The following GRHL1 variants were observed in gnomAD, a reference collection of about 807,000 sequenced individuals.
GRHL1 encodes the protein grainyhead like transcription factor 1, also known as grainyhead-like protein 1 homolog.
Under a neutral mutation model 75.7 loss-of-function variants are expected in GRHL1, and 38 were observed. The observed-to-expected ratio is 0.50, with a 90% CI of 0.39 to 0.66. The LOEUF (loss-of-function observed/expected upper bound fraction) is 0.66, where lower values mean the gene tolerates loss of function less well. Among genes scored for constraint, GRHL1 ranks in the 30% least tolerant of loss-of-function variants. The probability of loss-of-function intolerance (pLI) is 0.00; values close to 1 mark genes in which losing one functional copy is unlikely to be tolerated. For synonymous variants in GRHL1, 266 were observed against 279.4 expected (o/e 0.95, Z 0.48); for missense variants, 589 against 767.5 (o/e 0.77, Z 2.75).
intron 12 of GRHL1, 107 bp from the exon 13 acceptor site, chr2:9,995,768 TAAAG>T: frequency 1.4e-6 from 1 of 690,680 alleles, no homozygotes; most frequent in Non-Finnish European, 2.6e-6. Flanking sequence ...CTGGACCAGA[TAAAG>T]AATGAAAGTC....
At chr2:9,962,292 A>G (rs75284884) in intron 4 of GRHL1, among the ~76,000 whole-genome samples, 163 bp from the exon 5 acceptor site, 2,603 of 152,282 alleles carry the variant, frequency 0.017, 84 homozygotes, top group African/African-American at 0.059. Context: ...TCTCTGTTTT[A>G]ATTTTTTAAG....
chr2:9,954,717 C>G (rs533561957), intron 1 of GRHL1, among the ~76,000 whole-genome samples, 198 bp from the exon 2 acceptor site: 35 of 152,016 alleles, frequency 2.3e-4, no homozygotes, highest in African/African-American at 8.0e-4. Flanking sequence ...CTCTGGCTGC[C>G]TAGATACTTT....
chr2:9,963,855 T>G, intron 5 of GRHL1, 31 bp from the exon 6 acceptor site: 1 of 1,557,430 alleles, frequency 6.4e-7, no homozygotes, highest in African/African-American at 1.4e-5. Context: ...GAGAGTAGAT[T>G]TAGAGACCTG....
intron 8 of GRHL1, among the ~76,000 whole-genome samples, chr2:9,982,770 C>G (rs1222698366): frequency 2.0e-5 from 3 of 152,194 alleles, no homozygotes; most frequent in African/African-American, 7.2e-5. Context: ...ATGACTTTAA[C>G]TGGCAACTTA....
intron 10 of GRHL1, among the ~76,000 whole-genome samples, 171 bp from the exon 11 acceptor site, chr2:9,991,836 A>G (rs537682046): frequency 1.3e-5 from 2 of 152,312 alleles, no homozygotes; most frequent in South Asian, 4.1e-4. Flanking sequence ...ACACACAACA[A>G]ATTCCTTTAC....
At chr2:9,970,887 C>G (rs1286261122) in intron 8 of GRHL1, among the ~76,000 whole-genome samples, 4 of 152,094 alleles carry the variant, frequency 2.6e-5, no homozygotes, top group Non-Finnish European at 4.4e-5. Flanking sequence ...AATTTGGAGC[C>G]CAGCTAAGTA....
chr2:9,983,203 C>CA (rs1668271376), intron 8 of GRHL1, among the ~76,000 whole-genome samples: 1 of 141,358 alleles, frequency 7.1e-6, no homozygotes, highest in African/African-American at 2.6e-5. Flanking sequence ...TTGGCATCTT[C>CA]GGCCCACTGT....
At chr2:9,984,523 T>A (rs940534673) in intron 8 of GRHL1, among the ~76,000 whole-genome samples, 1 of 152,234 alleles carries the variant, frequency 6.6e-6, no homozygotes, top group Non-Finnish European at 1.5e-5. Flanking sequence ...TCCTCTTAAG[T>A]AGCAGCTTCC....
intron 15 of GRHL1, 152 bp downstream of exon 15, chr2:9,999,181 C>T: frequency 2.9e-6 from 1 of 347,502 alleles, no homozygotes; most frequent in East Asian, 4.8e-5. Context: ...TGACACACAC[C>T]CTGTGCCAGT....
chr2:9,988,591 C>G (rs898626953), intron 9 of GRHL1, among the ~76,000 whole-genome samples: 2 of 152,080 alleles, frequency 1.3e-5, no homozygotes, highest in African/African-American at 2.4e-5. Flanking sequence ...TGTCCTGCTG[C>G]CTTGGTCTCT....
At chr2:9,967,139 A>G (rs969715799) in intron 8 of GRHL1, among the ~76,000 whole-genome samples, 2 of 152,238 alleles carry the variant, frequency 1.3e-5, no homozygotes, top group African/African-American at 2.4e-5. Context: ...AGGAGGCGAT[A>G]AAGAGCCCAT....
At chr2:9,962,176 A>AT (rs1483944032) in intron 4 of GRHL1, among the ~76,000 whole-genome samples, 6 of 152,124 alleles carry the variant, frequency 3.9e-5, no homozygotes, top group Non-Finnish European at 7.3e-5. Context: ...CAGAGTTGGG[A>AT]TGTGTGTGAA....
intron 1 of GRHL1, among the ~76,000 whole-genome samples, chr2:9,952,182 G>T (rs1206374234): frequency 6.6e-6 from 1 of 151,912 alleles, no homozygotes; most frequent in Non-Finnish European, 1.5e-5. Context: ...CGGGTGCGGC[G>T]CGAGGTCGGG....
intron 8 of GRHL1, chr2:9,965,606 C>T (rs979375282): frequency 7.8e-6 from 4 of 511,124 alleles, no homozygotes; most frequent in Non-Finnish European, 1.4e-5. Context: ...GATTAAGTTG[C>T]ACTCTGCCAC....
At chr2:9,996,283 T>TC in intron 13 of GRHL1, 33 bp from the exon 14 acceptor site, 1 of 1,490,484 alleles carries the variant, frequency 6.7e-7, no homozygotes, top group Non-Finnish European at 9.4e-7. Context: ...TCCTCTCTTT[T>TC]CCCTTCCTTA....
chr2:9,995,854 A>G lies in GRHL1; in HGVS notation c.1500-25A>G, dbSNP rs764161225. ...ATGCAGCTGGTTAAGTTGAATCACT[A>G]ACGGCATATTTTGGATCACTGCAGC... On this transcript the variant is annotated intron_variant, in intron 12 of 15. Transcript: ENST00000324907. 5.2e-5 allele frequency: 72 copies of G among 1,390,166 alleles called. 1 individual carries two copies. The highest frequency in any genetic ancestry group is 1.8e-4 in the Middle Eastern group (1 of 5,602). The allele number at this position is 1,390,166 out of a possible 1,614,324, so 86.1% of individuals were successfully genotyped here. A position where few individuals can be genotyped will look rare whatever the true frequency, so the allele number is the denominator to read the frequency against.
At chr2:9,972,191 T>C (rs1667753944) in intron 8 of GRHL1, among the ~76,000 whole-genome samples, 1 of 151,548 alleles carries the variant, frequency 6.6e-6, no homozygotes, top group Admixed American at 6.6e-5. Context: ...AATTCCTTTT[T>C]CTTTTTTTTT....
At chr2:9,965,432 G>A in intron 8 of GRHL1, 51 bp downstream of exon 8, 1 of 939,398 alleles carries the variant, frequency 1.1e-6, no homozygotes, top group South Asian at 1.4e-5. Flanking sequence ...AGAAATGGGA[G>A]GAGTTTAATG....
chr2:9,992,915 C>T lies in GRHL1; in HGVS notation c.1462-292C>T, dbSNP rs1668704236. 6.6e-6 allele frequency among the ~76,000 whole-genome samples: 1 copy of T among 152,194 alleles called. No individual in the cohort carries two copies. Among genetic ancestry groups the T allele is most frequent in the Non-Finnish European group, 1.5e-5 (1 of 68,046 alleles). The stretch of plus-strand genomic sequence containing the variant: ...GCCCCGTGGTCTCCACTGTGCTGCT[C>T]AGTGCTGCCGAACTAGTGCACACAT... On this transcript the variant is annotated intron_variant, in intron 11 of 15. Coordinates refer to ENST00000324907, the MANE Select transcript of GRHL1 (RefSeq NM_198182.3). This position sits in a 1 kb window ranked among gnomAD's most constrained non-coding sequence, Gnocchi z 4.6.
Sources: allele counts gnomAD v4.1 joint callset (sites outside exome capture counted in the v4.1 genomes callset), GRCh38; gene constraint gnomAD v4.1.1; non-coding constraint Gnocchi (gnomAD v3.1); transcripts MANE v1.5; gene names NCBI Gene and HGNC (gene_info 2026-07-23, HGNC 2026-07-21).